INPP4B: variants seen among roughly 807,000 people sequenced by gnomAD.
INPP4B encodes the protein inositol polyphosphate 4-phosphatase type II.
In INPP4B, 55 loss-of-function variants were observed where a neutral mutation model predicts 122.5. That is an observed-to-expected ratio of 0.45 (90% CI 0.36 to 0.56). The LOEUF (loss-of-function observed/expected upper bound fraction) is 0.56, where lower values mean the gene tolerates loss of function less well. INPP4B is among the 20% of genes least tolerant of loss of function. The pLI is 0.00. For synonymous variants in INPP4B, 403 were observed against 388.7 expected (o/e 1.04, Z -0.43); for missense variants, 1,000 against 1,097.7 (o/e 0.91, Z 1.26).
intron 10 of INPP4B, among the ~76,000 whole-genome samples, chr4:142,265,050 A>G (rs1013878452): frequency 2.0e-5 from 3 of 151,982 alleles, no homozygotes; most frequent in Non-Finnish European, 4.4e-5. Context: ...CCATCTGAGA[A>G]GGTAGCAAGA....
intron 2 of INPP4B, among the ~76,000 whole-genome samples, chr4:142,502,427 T>G (rs1187320669): frequency 1.3e-5 from 2 of 152,136 alleles, no homozygotes; most frequent in African/African-American, 4.8e-5. Context: ...GTAAACTCCA[T>G]GTATTATTGA....
At chr4:142,503,549 G>A (rs1823648952) in intron 2 of INPP4B, among the ~76,000 whole-genome samples, 1 of 151,998 alleles carries the variant, frequency 6.6e-6, no homozygotes, top group Non-Finnish European at 1.5e-5. Flanking sequence ...GTCTTTAGTT[G>A]GGAAGACATA....
chr4:142,047,702 C>A (rs1393829917), intron 25 of INPP4B, among the ~76,000 whole-genome samples: 1 of 152,048 alleles, frequency 6.6e-6, no homozygotes, highest in African/African-American at 2.4e-5. Context: ...TCATACTTTT[C>A]AGGTTTTATA....
intron 18 of INPP4B, among the ~76,000 whole-genome samples, chr4:142,139,832 C>T (rs77267103): frequency 0.029 from 4,382 of 152,200 alleles, 193 homozygotes; most frequent in African/African-American, 0.098. Context: ...GTGCGTTTGT[C>T]GGTTTGTTTG....
chr4:142,097,009 A>G (rs1782107815), intron 23 of INPP4B, among the ~76,000 whole-genome samples: 2 of 152,086 alleles, frequency 1.3e-5, no homozygotes, highest in African/African-American at 4.8e-5. Flanking sequence ...GTCCTGGGGA[A>G]CACTTATTTA....
chr4:142,710,887 TTCTC>T (rs1763037222), intron 2 of INPP4B, among the ~76,000 whole-genome samples: 1 of 152,214 alleles, frequency 6.6e-6, no homozygotes, highest in Non-Finnish European at 1.5e-5. Context: ...ACACAAATGA[TTCTC>T]TTCCCATCAC....
chr4:142,303,319 A>T (rs2636675), intron 9 of INPP4B, among the ~76,000 whole-genome samples: 1 of 151,952 alleles, frequency 6.6e-6, no homozygotes, highest in Non-Finnish European at 1.5e-5. Context: ...AAAATTAACC[A>T]TGAAGAAAAG....
intron 2 of INPP4B, among the ~76,000 whole-genome samples, chr4:142,711,415 T>G (rs1045494197): frequency 6.6e-6 from 1 of 152,168 alleles, no homozygotes; most frequent in East Asian, 1.9e-4. Context: ...ATTTCTGTTT[T>G]GTAGACTGCT....
At chr4:142,492,379 C>T (rs978770954) in intron 2 of INPP4B, among the ~76,000 whole-genome samples, 5 of 152,036 alleles carry the variant, frequency 3.3e-5, no homozygotes, top group Non-Finnish European at 7.4e-5. Context: ...AAACCTTTTG[C>T]AGGGCTCAGA....
intron 7 of INPP4B, among the ~76,000 whole-genome samples, chr4:142,397,559 G>T (rs1333278283): frequency 6.6e-5 from 10 of 152,144 alleles, no homozygotes; most frequent in African/African-American, 2.2e-4. Context: ...GAAACATGCG[G>T]CCGGGTGTGA....
intron 2 of INPP4B, among the ~76,000 whole-genome samples, chr4:142,546,253 C>A (rs1436021724): frequency 6.6e-6 from 1 of 152,092 alleles, no homozygotes; most frequent in Non-Finnish European, 1.5e-5. Flanking sequence ...TATCTCCCTG[C>A]AAAGAACATG....
At chr4:142,749,206 A>G (rs2150943437) in intron 1 of INPP4B, among the ~76,000 whole-genome samples, 1 of 147,136 alleles carries the variant, frequency 6.8e-6, no homozygotes, top group East Asian at 2.0e-4. Context: ...TATTATGTTT[A>G]TTATGTCTCA....
intron 8 of INPP4B, among the ~76,000 whole-genome samples, chr4:142,306,331 A>G (rs749980667): frequency 2.6e-5 from 4 of 151,998 alleles, no homozygotes; most frequent in Non-Finnish European, 5.9e-5. Context: ...TGGGATAAAT[A>G]ACATGAAAAA....
chr4:142,614,016 G>A (rs1401860800), intron 2 of INPP4B, among the ~76,000 whole-genome samples: 2 of 152,146 alleles, frequency 1.3e-5, no homozygotes, highest in Admixed American at 6.5e-5. Context: ...GGAACGGGTA[G>A]CAAATAAATA....
At chr4:142,491,530 A>T (rs1025237915) in intron 2 of INPP4B, among the ~76,000 whole-genome samples, 5 of 152,158 alleles carry the variant, frequency 3.3e-5, no homozygotes, top group African/African-American at 1.2e-4. Context: ...GGTGGCACAC[A>T]GTGGCAATCC....
At chr4:142,193,000 G>A (rs1322631586) in intron 15 of INPP4B, 87 bp downstream of exon 15, 5 of 771,054 alleles carry the variant, frequency 6.5e-6, no homozygotes, top group African/African-American at 1.7e-5. Context: ...ACTATACATT[G>A]TGATGGACCA....
intron 2 of INPP4B, among the ~76,000 whole-genome samples, chr4:142,593,502 C>A (rs74444055): frequency 6.6e-6 from 1 of 152,128 alleles, no homozygotes; most frequent in Non-Finnish European, 1.5e-5. Flanking sequence ...TCAATTTTCT[C>A]ATCTCACTTT....
chr4:142,065,841 C>T (rs1044434682), intron 25 of INPP4B, among the ~76,000 whole-genome samples: 3 of 152,126 alleles, frequency 2.0e-5, no homozygotes, highest in Non-Finnish European at 4.4e-5. Flanking sequence ...AAAGGTATTA[C>T]AAATAATACA....
At chr4:142,645,797 C>T (rs1013758830) in intron 2 of INPP4B, among the ~76,000 whole-genome samples, 1 of 152,110 alleles carries the variant, frequency 6.6e-6, no homozygotes. Context: ...TTTTTCCCCC[C>T]AAAATGGAAC....
Sources: allele counts gnomAD v4.1 joint callset (sites outside exome capture counted in the v4.1 genomes callset), GRCh38; gene constraint gnomAD v4.1.1; transcripts MANE v1.5; gene names NCBI Gene and HGNC (gene_info 2026-07-23, HGNC 2026-07-21).